The following TNRC6C variants were observed in gnomAD, a reference collection of about 807,000 sequenced individuals.
TNRC6C encodes the protein trinucleotide repeat containing adaptor 6C, also known as trinucleotide repeat-containing gene 6C protein.
A neutral mutation model predicts 153.7 loss-of-function variants in TNRC6C; 20 were observed. The ratio of observed to expected loss-of-function variants is 0.13; its 90% CI spans 0.09 to 0.19. The LOEUF is 0.19. TNRC6C is among the 10% of genes least tolerant of loss of function. The pLI is 1.00. For synonymous variants in TNRC6C, 811 were observed against 841.4 expected (o/e 0.96, Z 0.63); for missense variants, 1,987 against 2,172.0 (o/e 0.91, Z 1.69).
chr17:78,025,738 A>T (rs150571137), intron 1 of TNRC6C, among the ~76,000 whole-genome samples: 3 of 152,342 alleles, frequency 2.0e-5, no homozygotes, highest in African/African-American at 7.2e-5. Context: ...ATGGATGTTC[A>T]TTCTGTATAA....
intron 1 of TNRC6C, among the ~76,000 whole-genome samples, chr17:77,992,877 A>T (rs951663067): frequency 1.3e-5 from 2 of 152,226 alleles, no homozygotes; most frequent in African/African-American, 4.8e-5. Context: ...ATAACGTGGC[A>T]AATTTTAGGT....
exon 20 of TNRC6C, chr17:78,106,390 C>G (rs1329316000): frequency 2.6e-5 from 4 of 151,962 alleles, no homozygotes; most frequent in Non-Finnish European, 5.9e-5. Context: ...GCCCCTTCGT[C>G]AAGGTGACAG....
upstream of TNRC6C, chr17:78,004,956 C>T (rs1281050963): frequency 1.1e-6 from 1 of 928,980 alleles, no homozygotes; most frequent in Admixed American, 4.3e-5. Flanking sequence ...TTAAAATTTT[C>T]AATACTAAAA....
chr17:78,098,376 C>G, exon 17 of TNRC6C: 1 of 1,613,732 alleles, frequency 6.2e-7, no homozygotes, highest in Non-Finnish European at 8.5e-7. Context: ...ACGTGGTCCT[C>G]TGGCCCTACC....
intron 1 of TNRC6C, among the ~76,000 whole-genome samples, chr17:77,961,864 C>T (rs1265409094): frequency 6.6e-6 from 1 of 152,172 alleles, no homozygotes; most frequent in African/African-American, 2.4e-5. Flanking sequence ...CTACCGCCAC[C>T]TTTTTGTTAA....
rs1463203003 is a variant in TNRC6C at position 78,102,521 on chromosome 17, G to A, written c.4549G>A (p.Val1517Ile). ...CTCAGGAAGAACCAGCAGCTGGCTC[G>A]TTCTTCGAAACCTCACTCCCCAGGT... is the stretch of plus-strand genomic sequence containing the variant. Residue 1517 changes from valine to isoleucine, a missense_variant, in exon 18 of 20, where the codon GTT (valine) becomes ATT (isoleucine). Physicochemically the swap from Val to Ile is conservative, Grantham distance 29. This residue lies in a region of TNRC6C where 31 missense variants were observed against 97.9 expected (regional missense o/e 0.32). Coordinates refer to ENST00000301624, the Ensembl canonical transcript of TNRC6C. The A allele has an allele frequency of 5.0e-6, 8 of 1,605,044 alleles. No individual in the cohort carries two copies. The African/African-American group carries it at 5.4e-5, about 11-fold the overall frequency.
intron 1 of TNRC6C, among the ~76,000 whole-genome samples, chr17:77,994,744 A>T (rs1162701622): frequency 6.7e-6 from 1 of 149,300 alleles, no homozygotes; most frequent in Non-Finnish European, 1.5e-5. Context: ...CATGAAGTTT[A>T]AAAAAAAAAC....
At chr17:78,031,425 TCA>T (rs2072071820) in intron 1 of TNRC6C, 89 bp from the exon 4 acceptor site, 2 of 981,436 alleles carry the variant, frequency 2.0e-6, no homozygotes, top group South Asian at 5.4e-5. Flanking sequence ...TCATTTTTTC[TCA>T]GTTTTTGGTT....
At chr17:77,970,309 A>G (rs1246259318) in intron 1 of TNRC6C, among the ~76,000 whole-genome samples, 1 of 152,194 alleles carries the variant, frequency 6.6e-6, no homozygotes, top group Admixed American at 6.5e-5. Flanking sequence ...GCAGTGGTAC[A>G]GTCACAGCTC....
chr17:78,100,952 T>C (rs57112439), intron 17 of TNRC6C, among the ~76,000 whole-genome samples: 33,036 of 151,426 alleles, frequency 0.22, 4,135 homozygotes, highest in East Asian at 0.32. Context: ...ATTTTTGTAT[T>C]TTTAGTAGAG....
chr17:78,067,517 G>GT (rs1474424304), intron 4 of TNRC6C, among the ~76,000 whole-genome samples: 3 of 152,122 alleles, frequency 2.0e-5, no homozygotes, highest in African/African-American at 4.8e-5. Flanking sequence ...GGTTAAGGAA[G>GT]TTTAGAACAG....
At chr17:78,048,971 G>T in exon 3 of TNRC6C, 1 of 1,388,262 alleles carries the variant, frequency 7.2e-7, no homozygotes, top group Non-Finnish European at 9.3e-7. Context: ...AAGGAGGCGT[G>T]GCCTTCCATC....
chr17:78,018,309 G>T (rs1425821039), intron 1 of TNRC6C, among the ~76,000 whole-genome samples: 3 of 151,972 alleles, frequency 2.0e-5, no homozygotes, highest in Non-Finnish European at 4.4e-5. Context: ...GTATTTTTTT[G>T]AGTGGAGATG....
At position 78,027,903 on chromosome 17, in the gene TNRC6C, G is replaced by GT. The variant is rs550690147; in HGVS notation, c.-545-3595dup. ...TATCTGTAGTGACAGAAACTTGGAG[G>GT]TTTTTTTTTTTTTTTTTTGAGATGG... On this transcript the variant is annotated intron_variant, in intron 1 of 19. Transcript: ENST00000301624. 7.0e-3 allele frequency among the ~76,000 whole-genome samples: 950 copies of GT among 136,530 alleles called. 3 individuals carry two copies. Among genetic ancestry groups the GT allele is most frequent in the Middle Eastern group, 0.014 (4 of 276 alleles). The allele number at this position is 136,530 out of a possible 152,430, so 89.6% of individuals were successfully genotyped here.
At chr17:78,028,260 G>A (rs1025175399) in intron 1 of TNRC6C, among the ~76,000 whole-genome samples, 13 of 152,144 alleles carry the variant, frequency 8.5e-5, no homozygotes, top group African/African-American at 3.1e-4. Context: ...CATTTTCTGG[G>A]GATGGGGAGA....
chr17:78,058,533 G>A (rs2072703376), intron 3 of TNRC6C, among the ~76,000 whole-genome samples: 1 of 152,188 alleles, frequency 6.6e-6, no homozygotes, highest in African/African-American at 2.4e-5. Context: ...GATAATTTTA[G>A]AGTCAAATAT....
At chr17:77,999,885 T>TA (rs2071385147), upstream of TNRC6C, among the ~76,000 whole-genome samples, 1 of 152,212 alleles carries the variant, frequency 6.6e-6, no homozygotes, top group Non-Finnish European at 1.5e-5. Context: ...GTTGGAGTCT[T>TA]ACGTAACACA....
intron 17 of TNRC6C, among the ~76,000 whole-genome samples, chr17:78,100,050 A>C (rs1022847109): frequency 6.6e-6 from 1 of 152,240 alleles, no homozygotes; most frequent in Non-Finnish European, 1.5e-5. Context: ...CATCTGGGTC[A>C]TGCTTAGGCA....
chr17:78,092,801 C>G, intron 14 of TNRC6C, 132 bp from the exon 17 acceptor site: 1 of 643,534 alleles, frequency 1.6e-6, no homozygotes, highest in Non-Finnish European at 2.6e-6. Context: ...CCAAGTCTTA[C>G]AATTCATGTA....
Sources: allele counts gnomAD v4.1 joint callset (sites outside exome capture counted in the v4.1 genomes callset), GRCh38; gene constraint gnomAD v4.1.1; regional missense constraint gnomAD v4.1.1; transcripts MANE v1.5; gene names NCBI Gene and HGNC (gene_info 2026-07-23, HGNC 2026-07-21).